OTOGL: variants seen among roughly 807,000 people sequenced by gnomAD.
OTOGL encodes otogelin like, also known as otogelin-like protein.
OTOGL carries 285 observed loss-of-function variants against 318.5 expected under a neutral mutation model. That is an observed-to-expected ratio of 0.89 (90% CI 0.81 to 0.99). OTOGL has a LOEUF of 0.99. Ranked by LOEUF, OTOGL falls within the 50% of genes least tolerant of loss-of-function variation. The pLI is 0.00. For synonymous variants in OTOGL, 987 were observed against 936.5 expected (o/e 1.05, Z -0.99); for missense variants, 2,899 against 2,845.6 (o/e 1.02, Z -0.43).
intron 9 of OTOGL, among the ~76,000 whole-genome samples, chr12:80,235,275 G>A (rs1023398905): frequency 2.0e-5 from 3 of 151,916 alleles, no homozygotes; most frequent in Admixed American, 2.0e-4. Flanking sequence ...GACCAGCCCA[G>A]CCAACATGGT....
chr12:80,224,515 A>G lies in OTOGL; in HGVS notation c.489+2270A>G, dbSNP rs1381057079. 2.0e-5 allele frequency among the ~76,000 whole-genome samples: 3 copies of G among 152,074 alleles called. No individual in the cohort carries two copies. The East Asian group carries it at 5.8e-4, about 29-fold the overall frequency. On this transcript the variant is annotated intron_variant, in intron 7 of 58. Transcript: ENST00000547103. ...GTAGATTGCTTTTGGCAGTGTGGTC[A>G]TTTTCACAATATTGATTCTACCCAT...
Position 80,372,078 on chromosome 12 carries a change from T to A in OTOGL, c.6781+14T>A, listed in dbSNP as rs762562858. 6.6e-7 allele frequency: 1 copy of A among 1,515,254 alleles called. No homozygotes were observed. Among genetic ancestry groups the A allele is most frequent in the Non-Finnish European group, 8.9e-7 (1 of 1,124,370 alleles). The allele number at this position is 1,515,254 out of a possible 1,614,324, so 93.9% of individuals were successfully genotyped here. Reference sequence around the variant, plus strand: ...GTTGCAAGATCTGTAAGTGAGAGCATATTCCATGCATTTACTTGATAGATT... The same window carrying A: ...GTTGCAAGATCTGTAAGTGAGAGCAAATTCCATGCATTTACTTGATAGATT... On this transcript the variant is annotated intron_variant, in intron 57 of 58. Transcript: ENST00000547103.
At chr12:80,135,843 C>T (rs188427508) in intron 1 of OTOGL, among the ~76,000 whole-genome samples, 25 of 152,254 alleles carry the variant, frequency 1.6e-4, no homozygotes, top group African/African-American at 5.8e-4. Context: ...AGTTGAAGGT[C>T]TGAGTAGAAC....
rs1248948793 is a variant in OTOGL, at chr12:80,177,299, G to A, written c.-19-32114G>A. On this transcript the variant is annotated intron_variant, in intron 1 of 58. Transcript: ENST00000547103. ...TTTCAAGTTAACATTTGTATAGGTT[G>A]TAAGGGGGTGGTTGTCATTTCTTAA... Among the ~76,000 whole-genome samples, 4 of 152,152 alleles carry A rather than the reference G, an allele frequency of 2.6e-5. No individual in the cohort carries two copies. In the South Asian group the frequency reaches 8.3e-4, roughly 31 times the overall value.
At chr12:80,268,034 T>C (rs1883131007) in intron 22 of OTOGL, among the ~76,000 whole-genome samples, 1 of 151,818 alleles carries the variant, frequency 6.6e-6, no homozygotes. Flanking sequence ...GTGTGCCTCC[T>C]CCCCAGGCCC....
chr12:80,225,768 A>G (rs923939046), intron 7 of OTOGL, among the ~76,000 whole-genome samples: 1 of 152,138 alleles, frequency 6.6e-6, no homozygotes, highest in Non-Finnish European at 1.5e-5. Flanking sequence ...TAATACTCAA[A>G]TAAGTTAATG....
At chr12:80,234,019 G>T (rs113443298) in intron 9 of OTOGL, among the ~76,000 whole-genome samples, 179 of 152,256 alleles carry the variant, frequency 1.2e-3, no homozygotes, top group African/African-American at 3.6e-3. Flanking sequence ...CCTGTAAGGT[G>T]AGTAGTCTTT....
intron 1 of OTOGL, among the ~76,000 whole-genome samples, chr12:80,201,719 A>G (rs1876470459): frequency 6.6e-6 from 1 of 152,184 alleles, no homozygotes; most frequent in Non-Finnish European, 1.5e-5. Context: ...TCAATCACAT[A>G]GCAAGCCTCT....
At chr12:80,359,977 C>T (rs1890137286) in intron 52 of OTOGL, among the ~76,000 whole-genome samples, 1 of 152,168 alleles carries the variant, frequency 6.6e-6, no homozygotes, top group African/African-American at 2.4e-5. Flanking sequence ...AGGGTTCTAA[C>T]CAAGGATTGC....
chr12:80,180,598 G>A (rs879692350), intron 1 of OTOGL, among the ~76,000 whole-genome samples: 2 of 152,184 alleles, frequency 1.3e-5, no homozygotes, highest in Admixed American at 6.5e-5. Context: ...GGGTCAGTTT[G>A]TGAGAAATCG....
chr12:80,117,500 C>G (rs1479201238), intron 1 of OTOGL, among the ~76,000 whole-genome samples: 1 of 152,136 alleles, frequency 6.6e-6, no homozygotes, highest in African/African-American at 2.4e-5. Flanking sequence ...TTTCCCATTA[C>G]CATCACGTTA....
At chr12:80,257,609 G>A (rs1882170125) in intron 17 of OTOGL, among the ~76,000 whole-genome samples, 1 of 151,990 alleles carries the variant, frequency 6.6e-6, no homozygotes. Context: ...AATGGCTGCT[G>A]AAGACCAGGA....
intron 44 of OTOGL, among the ~76,000 whole-genome samples, chr12:80,349,488 A>T (rs1889405674): frequency 6.6e-6 from 1 of 152,114 alleles, no homozygotes; most frequent in African/African-American, 2.4e-5. Context: ...GGATCTAGTA[A>T]AACAGAATGA....
intron 1 of OTOGL, among the ~76,000 whole-genome samples, chr12:80,128,882 A>C (rs139814212): frequency 6.6e-6 from 1 of 152,144 alleles, no homozygotes; most frequent in South Asian, 2.1e-4. Flanking sequence ...TGCTAAGACC[A>C]TTGGAAAAGC....
intron 9 of OTOGL, among the ~76,000 whole-genome samples, chr12:80,234,698 C>T (rs938424292): frequency 1.2e-4 from 19 of 152,076 alleles, no homozygotes; most frequent in African/African-American, 4.6e-4. Context: ...GAAATAAAAA[C>T]GTGTGAAAAT....
intron 1 of OTOGL, among the ~76,000 whole-genome samples, chr12:80,123,870 C>G (rs1338367065): frequency 2.0e-5 from 3 of 152,090 alleles, no homozygotes; most frequent in African/African-American, 7.2e-5. Context: ...CCTTCGCCCA[C>G]TTTTTGATGG....
chr12:80,162,264 T>C (rs1873561164), intron 1 of OTOGL, among the ~76,000 whole-genome samples: 1 of 152,176 alleles, frequency 6.6e-6, no homozygotes, highest in Non-Finnish European at 1.5e-5. Flanking sequence ...ATTGCTCAAG[T>C]ACCATCGAAA....
chr12:80,099,884 T>C (rs926024967), intron 1 of OTOGL, among the ~76,000 whole-genome samples: 1 of 152,230 alleles, frequency 6.6e-6, no homozygotes, highest in Non-Finnish European at 1.5e-5. Flanking sequence ...ATCAATGGTT[T>C]AGTTCCAATC....
chr12:80,319,238 AC>A (rs1377213278), intron 33 of OTOGL, among the ~76,000 whole-genome samples: 7 of 152,048 alleles, frequency 4.6e-5, no homozygotes, highest in African/African-American at 1.7e-4. Context: ...ACTGGTTTGC[AC>A]CTGCAGGTCT....
Sources: gnomAD v4.1 joint callset for allele counts (sites outside exome capture counted in the v4.1 genomes callset) on GRCh38, gnomAD v4.1.1 for gene constraint, MANE v1.5 for transcripts, NCBI Gene and HGNC (gene_info 2026-07-23, HGNC 2026-07-21) for gene names.